The following PRKCE variants were observed in gnomAD, a reference collection of about 807,000 sequenced individuals.
PRKCE encodes protein kinase C epsilon type.
A neutral mutation model predicts 85.4 loss-of-function variants in PRKCE; 16 were observed. That is an observed-to-expected ratio of 0.19 (90% CI 0.13 to 0.28). PRKCE has a LOEUF of 0.28. PRKCE is among the 10% of genes least tolerant of loss of function. PRKCE has a pLI of 1.00. For missense variants in PRKCE, 573 were observed against 975.2 expected, an observed-to-expected ratio of 0.59 and a Z score of 5.49; for synonymous variants, 388 against 371.5, an observed-to-expected ratio of 1.04 and a Z score of -0.51.
At chr2:46,069,503 C>T (rs563925289) in intron 10 of PRKCE, among the ~76,000 whole-genome samples, 1 of 152,164 alleles carries the variant, frequency 6.6e-6, no homozygotes, top group Non-Finnish European at 1.5e-5. Flanking sequence ...CATATGTTTT[C>T]TAACCATTTA....
At chr2:46,105,259 T>G (rs1163487430) in intron 11 of PRKCE, among the ~76,000 whole-genome samples, 1 of 152,208 alleles carries the variant, frequency 6.6e-6, no homozygotes, top group Non-Finnish European at 1.5e-5. Flanking sequence ...ACCTTCCTTT[T>G]GCTTTATCAT....
chr2:46,083,468 C>G (rs1408058276), intron 10 of PRKCE, among the ~76,000 whole-genome samples: 1 of 152,188 alleles, frequency 6.6e-6, no homozygotes, highest in South Asian at 2.1e-4. Flanking sequence ...GATTTGGAGT[C>G]TCCTAAACAC....
chr2:45,921,620 C>T (rs1698256849), intron 2 of PRKCE, among the ~76,000 whole-genome samples: 1 of 152,140 alleles, frequency 6.6e-6, no homozygotes, highest in Non-Finnish European at 1.5e-5. Flanking sequence ...ACAGGGTGAC[C>T]AGAGCTCCAA....
intron 1 of PRKCE, among the ~76,000 whole-genome samples, chr2:45,832,644 G>A (rs375363122): frequency 2.6e-5 from 4 of 152,066 alleles, no homozygotes; most frequent in African/African-American, 7.2e-5. Context: ...TGCAGTATGG[G>A]CTCCATGACA....
At chr2:46,110,862 G>A (rs546098258) in intron 11 of PRKCE, among the ~76,000 whole-genome samples, 16 of 151,990 alleles carry the variant, frequency 1.1e-4, no homozygotes, top group Middle Eastern at 3.4e-3. Context: ...TGCTTTCACC[G>A]TATTCCACTA....
intron 1 of PRKCE, among the ~76,000 whole-genome samples, chr2:45,825,296 C>T (rs1049199838): frequency 6.6e-5 from 10 of 152,216 alleles, no homozygotes; most frequent in Admixed American, 5.2e-4. Context: ...CCACGGTTTT[C>T]CTGCAACAGG....
intron 11 of PRKCE, among the ~76,000 whole-genome samples, chr2:46,105,867 A>C (rs771978185): frequency 4.6e-5 from 7 of 152,220 alleles, no homozygotes; most frequent in Non-Finnish European, 1.0e-4. Context: ...ATACTGCATC[A>C]TTACATTCAT....
intron 11 of PRKCE, among the ~76,000 whole-genome samples, chr2:46,130,242 A>T (rs1479877382): frequency 6.6e-6 from 1 of 152,146 alleles, no homozygotes; most frequent in Non-Finnish European, 1.5e-5. Context: ...TTAAACTTTT[A>T]TTAATTTTAT....
At chr2:46,156,472 C>T (rs1574623708) in intron 13 of PRKCE, among the ~76,000 whole-genome samples, 1 of 152,188 alleles carries the variant, frequency 6.6e-6, no homozygotes, top group East Asian at 1.9e-4. Flanking sequence ...GACCGTGTCT[C>T]ATCACTCACC....
In PRKCE at chr2:46,151,186, A is replaced by G. The variant is rs748275197; in HGVS notation, c.1877A>G (p.Tyr626Cys). Reference protein sequence around the residue: ...FESILHDDVLYPVWLSKEAVS... With the variant: ...FESILHDDVLCPVWLSKEAVS... ...TCCATCCTCCATGACGACGTGCTGTACCCAGTCTGGCTCAGCAAGGAGGCT... is the reference window on the plus strand; with the variant it reads ...TCCATCCTCCATGACGACGTGCTGTGCCCAGTCTGGCTCAGCAAGGAGGCT... Residue 626 changes from tyrosine to cysteine, a missense_variant, in exon 13 of 15, where the codon TAC becomes TGC. Physicochemically the swap from Tyr to Cys is radical, Grantham distance 194. Coordinates refer to ENST00000306156, the MANE Select transcript of PRKCE (RefSeq NM_005400.3). 3 of 1,599,050 alleles carry G rather than the reference A, an allele frequency of 1.9e-6. No individual in the cohort carries two copies. Among genetic ancestry groups the G allele is most frequent in the Non-Finnish European group, 8.5e-7 (1 of 1,179,706 alleles).
At chr2:45,884,416 C>T (rs1348157178) in intron 2 of PRKCE, among the ~76,000 whole-genome samples, 1 of 152,152 alleles carries the variant, frequency 6.6e-6, no homozygotes, top group Non-Finnish European at 1.5e-5. Flanking sequence ...GGAAGGAGGC[C>T]TGGGTTCAAG....
rs1408795918 is a variant in PRKCE, at chr2:46,151,154, A to G, written c.1845A>G (p.Leu615=). Residue 615 remains leucine (L), a synonymous_variant, in exon 13 of 15, where the codon CTA becomes CTG. Transcript: ENST00000306156. The part of the protein sequence containing the change: ...PPFEADNEDD[L]FESILHDDVL... ...TTGAGGCCGACAATGAGGACGACCT[A>G]TTTGAGTCCATCCTCCATGACGACG... 40 of 1,599,542 alleles carry G rather than the reference A, an allele frequency of 2.5e-5. No individual in the cohort carries two copies. The highest frequency in any genetic ancestry group is 3.4e-5 in the Non-Finnish European group (40 of 1,179,926).
chr2:46,179,305 G>A (rs1679737989), intron 14 of PRKCE, among the ~76,000 whole-genome samples: 1 of 152,140 alleles, frequency 6.6e-6, no homozygotes, highest in Non-Finnish European at 1.5e-5. Flanking sequence ...GAGAGATTGT[G>A]CTGGCCAGAC....
chr2:45,801,069 A>G (rs897367085), intron 1 of PRKCE, among the ~76,000 whole-genome samples: 8 of 152,172 alleles, frequency 5.3e-5, no homozygotes, highest in African/African-American at 1.9e-4. Context: ...AAGTGAAAGC[A>G]GAGAGGTGGT....
chr2:45,695,036 C>A (rs1021846230), intron 1 of PRKCE, among the ~76,000 whole-genome samples: 1 of 152,156 alleles, frequency 6.6e-6, no homozygotes, highest in Non-Finnish European at 1.5e-5. Flanking sequence ...CTGCCCTCTG[C>A]CCCTGTGAGA....
intron 1 of PRKCE, among the ~76,000 whole-genome samples, chr2:45,732,952 CAG>C (rs1324295153): frequency 3.9e-5 from 6 of 152,190 alleles, no homozygotes; most frequent in Non-Finnish European, 8.8e-5. Flanking sequence ...TTTAAAGGAT[CAG>C]AGAGTAAATA....
rs1680468416 is a variant in PRKCE, at chr2:46,186,618, G to A, written c.*1737G>A. 6.6e-6 allele frequency: 1 copy of A among 152,298 alleles called. No individual in the cohort carries two copies. Among genetic ancestry groups the A allele is most frequent in the African/African-American group, 2.4e-5 (1 of 41,306 alleles). 9.4% of individuals were successfully genotyped at this position (152,298 alleles called of 1,614,324 possible). A position where few individuals can be genotyped will look rare whatever the true frequency, so the allele number is the denominator to read the frequency against. ...TTCTTTGTATTGTTTATTTCATTTT[G>A]GTTTATTTTAAAAGATGTAAACATA... On this transcript the variant is annotated 3_prime_UTR_variant, in exon 15 of 15. Transcript: ENST00000306156.
intron 2 of PRKCE, among the ~76,000 whole-genome samples, chr2:45,948,976 C>A (rs920866941): frequency 6.6e-6 from 1 of 152,170 alleles, no homozygotes. Context: ...AATGACAATA[C>A]AGTATCACAG....
intron 13 of PRKCE, among the ~76,000 whole-genome samples, chr2:46,153,151 G>T (rs1676811367): frequency 6.6e-6 from 1 of 152,090 alleles, no homozygotes; most frequent in African/African-American, 2.4e-5. Flanking sequence ...TCTGCCTTGT[G>T]AAGTTTCCAA....
Sources: allele counts gnomAD v4.1 joint callset (sites outside exome capture counted in the v4.1 genomes callset), GRCh38; gene constraint gnomAD v4.1.1; transcripts MANE v1.5; gene names NCBI Gene and HGNC (gene_info 2026-07-23, HGNC 2026-07-21).